HSDL1: variants seen among roughly 807,000 people sequenced by gnomAD.
HSDL1 encodes hydroxysteroid dehydrogenase like 1.
Under a neutral mutation model 31.5 loss-of-function variants are expected in HSDL1, and 29 were observed. The observed-to-expected ratio is 0.92, with a 90% confidence interval of 0.69 to 1.26. HSDL1 has a LOEUF of 1.26. Ranked by LOEUF, HSDL1 falls within the 50% of genes most tolerant of loss-of-function variation. HSDL1 has a pLI of 0.00. For missense variants in HSDL1, 503 were observed against 416.6 expected, an observed-to-expected ratio of 1.21 and a Z score of -1.81; for synonymous variants, 222 against 155.2, an observed-to-expected ratio of 1.43 and a Z score of -3.20.
rs1448962558 is a variant in HSDL1, at chr16:84,131,172, C to T, written c.150G>A (p.Leu50=). The T allele has an allele frequency of 8.7e-6, 14 of 1,614,198 alleles. 1 individual carries two copies. The South Asian group carries it at 1.5e-4, about 18-fold the overall frequency. The stretch of plus-strand genomic sequence containing the variant: ...TGCTCCCCAGGCGGGGGATAAAATG[C>T]AGCCTGATCAGGCTGTAAAAGTCAC... The part of the protein sequence containing the change: ...VICDFYSLIR[L]HFIPRLGSRA... The change falls in exon 3 of 6, where the codon CTG becomes CTA. Residue 50 remains leucine (L), a synonymous_variant. Transcript: ENST00000219439.
chr16:84,133,688 C>G (rs1164578781), intron 2 of HSDL1, among the ~76,000 whole-genome samples: 1 of 152,180 alleles, frequency 6.6e-6, no homozygotes, highest in East Asian at 1.9e-4. Flanking sequence ...GAGATCATGC[C>G]ACTGCGCTCC....
intron 1 of HSDL1, among the ~76,000 whole-genome samples, chr16:84,142,498 C>T (rs546804331): frequency 6.9e-5 from 9 of 130,966 alleles, no homozygotes; most frequent in Non-Finnish European, 9.3e-5. Flanking sequence ...TGCAATGGCG[C>T]GATCTTAGCT....
chr16:84,126,861 A>C (rs1469722060), intron 5 of HSDL1, among the ~76,000 whole-genome samples: 1 of 152,240 alleles, frequency 6.6e-6, no homozygotes, highest in African/African-American at 2.4e-5. Context: ...GGAAATAAAA[A>C]ATGATAGTGT....
chr16:84,125,559 T>C (rs1025163299), intron 5 of HSDL1, among the ~76,000 whole-genome samples: 1 of 151,406 alleles, frequency 6.6e-6, no homozygotes, highest in African/African-American at 2.4e-5. Context: ...CACCAATCAA[T>C]CACAACAAAT....
intron 5 of HSDL1, among the ~76,000 whole-genome samples, chr16:84,127,056 C>A (rs1471708547): frequency 6.6e-6 from 1 of 152,008 alleles, no homozygotes; most frequent in African/African-American, 2.4e-5. Context: ...TAAACACAGT[C>A]AAAACATCTA....
chr16:84,138,149 A>G (rs2086730250), intron 1 of HSDL1, among the ~76,000 whole-genome samples: 1 of 152,244 alleles, frequency 6.6e-6, no homozygotes, highest in Non-Finnish European at 1.5e-5. Flanking sequence ...GTATTTTGTT[A>G]TAGCAGCTCA....
rs1345307516 is a variant in HSDL1 at position 84,145,155 on chromosome 16, C to A, written c.-144G>T. 1.3e-5 allele frequency: 3 copies of A among 225,846 alleles called. No individual in the cohort carries two copies. The highest frequency in any genetic ancestry group is 2.5e-5 in the Non-Finnish European group (3 of 118,426). 14.0% of individuals were successfully genotyped at this position (225,846 alleles called of 1,614,324 possible). A position where few individuals can be genotyped will look rare whatever the true frequency, so the allele number is the denominator to read the frequency against. On this transcript the variant is annotated 5_prime_UTR_variant, in exon 1 of 6. Coordinates refer to ENST00000219439, the MANE Select transcript of HSDL1 (RefSeq NM_031463.5). ...GCCGCCCCCGTCTCGGCCGCCGGAG[C>A]TGCTGCCGCGCCGCGCCCTCACGTG...
At position 84,129,718 on chromosome 16, in the gene HSDL1, A is replaced by C; in HGVS notation, c.724T>G (p.Phe242Val). 2 of 1,614,246 alleles carry C rather than the reference A, an allele frequency of 1.2e-6. No homozygotes were observed. Among genetic ancestry groups the C allele is most frequent in the Admixed American group, 3.3e-5 (2 of 60,036 alleles). ...TAGAAAGGGATTAGACTCTGTACAA[A>C]GATTCCTTTAGAGGCATATTCATAT... ...LQYEYASKGI[F>V]VQSLIPFYVA... Residue 242 changes from phenylalanine to valine, a missense_variant, in exon 5 of 6, where the codon TTT becomes GTT. Transcript: ENST00000219439.
At chr16:84,124,920 C>T (rs1267224484) in intron 5 of HSDL1, 192 bp from the exon 6 acceptor site, 2 of 443,904 alleles carry the variant, frequency 4.5e-6, no homozygotes, top group African/African-American at 2.2e-5. Context: ...ACAACAAATA[C>T]CCACCAATCA....
At chr16:84,144,928 G>T (rs2086830963) in intron 1 of HSDL1, among the ~76,000 whole-genome samples, 152 bp downstream of exon 1, 1 of 151,872 alleles carries the variant, frequency 6.6e-6, no homozygotes, top group Non-Finnish European at 1.5e-5. Flanking sequence ...GGGCTTCGGG[G>T]CCGGATGCAG....
intron 2 of HSDL1, among the ~76,000 whole-genome samples, 176 bp from the exon 3 acceptor site, chr16:84,131,503 A>G (rs1373810529): frequency 5.3e-5 from 8 of 150,480 alleles, no homozygotes; most frequent in African/African-American, 2.0e-4. Context: ...CTATCTATCT[A>G]TCTATCTATC....
At chr16:84,142,728 G>C (rs529288006) in intron 1 of HSDL1, among the ~76,000 whole-genome samples, 2 of 152,090 alleles carry the variant, frequency 1.3e-5, no homozygotes, top group Non-Finnish European at 2.9e-5. Flanking sequence ...TGACCGGCCG[G>C]ATCTCACACA....
chr16:84,130,852 G>A (rs56275784), intron 3 of HSDL1: 29 of 466,628 alleles, frequency 6.2e-5, no homozygotes, highest in Non-Finnish European at 9.4e-5. Flanking sequence ...AAAGCACATA[G>A]TAGGAAGTGG....
rs567918516 is a variant in HSDL1 at position 84,124,737 on chromosome 16, G to C, written c.895-9C>G. Reference sequence around the variant, plus strand: ...TACTGTGCAAAAAGAAACTAAAAATGAAAGAGAAAAAGGTTGTAAGGTTAG... The same window carrying C: ...TACTGTGCAAAAAGAAACTAAAAATCAAAGAGAAAAAGGTTGTAAGGTTAG... On this transcript the variant is annotated splice_polypyrimidine_tract_variant and intron_variant, in intron 5 of 5. Transcript: ENST00000219439. The C allele has an allele frequency of 2.3e-5, 37 of 1,601,240 alleles. No homozygotes were observed. The South Asian group carries it at 3.5e-4, about 15-fold the overall frequency.
At position 84,130,211 on chromosome 16, in the gene HSDL1, G is replaced by A. The variant is rs777600783; in HGVS notation, c.441C>T (p.Ile147=). The A allele has an allele frequency of 1.2e-6, 2 of 1,614,196 alleles. No individual in the cohort carries two copies. The highest frequency in any genetic ancestry group is 2.2e-5 in the South Asian group (2 of 91,084). Residue 147 remains isoleucine, a synonymous_variant, in exon 4 of 6, where the codon ATC becomes ATT. Coordinates refer to ENST00000219439, the MANE Select transcript of HSDL1 (RefSeq NM_031463.5). ...REALKDKDVG[I]LVNNVGVFYP... is the part of the protein sequence containing the mutation. ...AAAACACACCCACGTTATTTACCAA[G>A]ATGCCAACGTCTTTGTCCTTCAGGG...
intron 1 of HSDL1, among the ~76,000 whole-genome samples, chr16:84,138,647 A>C (rs1368829469): frequency 6.6e-6 from 1 of 152,234 alleles, no homozygotes; most frequent in South Asian, 2.1e-4. Context: ...ATTTAAAAAA[A>C]TTTTTAAGCT....
chr16:84,129,515 A>T, intron 5 of HSDL1, 33 bp downstream of exon 5: 1 of 1,437,104 alleles, frequency 7.0e-7, no homozygotes, highest in East Asian at 2.3e-5. Context: ...ATGATGCATT[A>T]ATCTAATTAT....
chr16:84,124,807 T>C (rs986500294), intron 5 of HSDL1, 79 bp from the exon 6 acceptor site: 2 of 881,960 alleles, frequency 2.3e-6, no homozygotes, highest in African/African-American at 3.3e-5. Flanking sequence ...GACCAGCACA[T>C]GAAACCCACC....
intron 2 of HSDL1, among the ~76,000 whole-genome samples, chr16:84,133,620 C>T (rs2086687524): frequency 6.6e-6 from 1 of 152,156 alleles, no homozygotes; most frequent in Middle Eastern, 3.2e-3. Context: ...ATCCCAGCTA[C>T]TTGGGAGGCT....
Sources: allele counts gnomAD v4.1 joint callset (sites outside exome capture counted in the v4.1 genomes callset), GRCh38; gene constraint gnomAD v4.1.1; transcripts MANE v1.5; gene names NCBI Gene and HGNC (gene_info 2026-07-23, HGNC 2026-07-21).